Variants in SH3BP4 observed in about 807,000 individuals in gnomAD.
The protein encoded by SH3BP4 is SH3 domain binding protein 4, also known as SH3 domain-binding protein 4.
Under a neutral mutation model 65.5 loss-of-function variants are expected in SH3BP4, and 33 were observed. The ratio of observed to expected loss-of-function variants is 0.50; its 90% confidence interval spans 0.38 to 0.67. The LOEUF (loss-of-function observed/expected upper bound fraction) is 0.67, where lower values mean the gene tolerates loss of function less well. SH3BP4 is among the 30% of genes least tolerant of loss of function. SH3BP4 has a pLI of 0.00. For synonymous variants in SH3BP4, 552 were observed against 545.5 expected (o/e 1.01, Z -0.17); for missense variants, 1,134 against 1,261.4 (o/e 0.90, Z 1.53).
Position 234,977,767 on chromosome 2 carries a change from G to A in SH3BP4, c.-206-17536G>A, listed in dbSNP as rs553094251. Reference sequence around the variant, plus strand: ...AGTTAGTGCACAGAGTGAGCCCTGCGCTGGGAAAGACACGCACACGCATAT... The same window carrying A: ...AGTTAGTGCACAGAGTGAGCCCTGCACTGGGAAAGACACGCACACGCATAT... On this transcript the variant is annotated intron_variant, in intron 1 of 5. Transcript: ENST00000392011. The surrounding 1 kb of genome is among the most constrained non-coding windows in gnomAD (Gnocchi z 5.1). Among the ~76,000 whole-genome samples the A allele has an allele frequency of 3.3e-5, 5 of 151,902 alleles. No individual in the cohort carries two copies. Among genetic ancestry groups the A allele is most frequent in the East Asian group, 1.9e-4 (1 of 5,166 alleles).
chr2:234,984,432 C>T (rs990627362), intron 1 of SH3BP4, among the ~76,000 whole-genome samples: 1 of 151,888 alleles, frequency 6.6e-6, no homozygotes, highest in Non-Finnish European at 1.5e-5. Context: ...TGGTCTCAAA[C>T]TCCTGGGCTC....
chr2:234,969,344 C>A (rs1692920579), intron 1 of SH3BP4, among the ~76,000 whole-genome samples: 2 of 152,102 alleles, frequency 1.3e-5, no homozygotes, highest in African/African-American at 4.8e-5. Flanking sequence ...ATGGTCAAGT[C>A]CCCTCCCCTG....
intron 2 of SH3BP4, among the ~76,000 whole-genome samples, chr2:235,012,999 G>A (rs188523628): frequency 6.6e-6 from 1 of 152,346 alleles, no homozygotes; most frequent in African/African-American, 2.4e-5. Context: ...AATGCAGATG[G>A]TGACACAGCT....
chr2:234,980,071 G>C (rs1437147253), intron 1 of SH3BP4, among the ~76,000 whole-genome samples: 1 of 152,122 alleles, frequency 6.6e-6, no homozygotes, highest in Non-Finnish European at 1.5e-5. Flanking sequence ...TCGTTTTTTG[G>C]CTGAGCATTA....
At chr2:235,032,860 G>A (rs75385389) in intron 2 of SH3BP4, among the ~76,000 whole-genome samples, 2,544 of 152,278 alleles carry the variant, frequency 0.017, 75 homozygotes, top group African/African-American at 0.059. Flanking sequence ...TCCCCAAGGC[G>A]TAGTTCTCAG....
intron 1 of SH3BP4, among the ~76,000 whole-genome samples, chr2:234,988,913 C>T (rs963546396): frequency 6.6e-6 from 1 of 152,160 alleles, no homozygotes; most frequent in African/African-American, 2.4e-5. Flanking sequence ...GTAAGTGAAG[C>T]AGTTCTGTGT....
intron 1 of SH3BP4, among the ~76,000 whole-genome samples, chr2:234,961,780 CA>C (rs559198283): frequency 2.7e-5 from 4 of 149,570 alleles, no homozygotes; most frequent in African/African-American, 9.8e-5. Context: ...AGGTGTGGAC[CA>C]GGGGCTCGAT....
intron 1 of SH3BP4, among the ~76,000 whole-genome samples, chr2:234,988,202 G>A (rs1693630548): frequency 6.6e-6 from 1 of 152,020 alleles, no homozygotes. Context: ...TGGGACTATG[G>A]GCGCCCACCA....
At position 235,042,447 on chromosome 2, in the gene SH3BP4, C is replaced by T. The variant is rs1482337741; in HGVS notation, c.1678C>T (p.Arg560Ter). Residue 560 changes from arginine to a stop codon, truncating the protein, a stop_gained, in exon 4 of 6, where the codon CGA becomes TGA. Transcript: ENST00000392011. LOFTEE classifies it high-confidence loss of function. This position sits in a 1 kb window ranked among gnomAD's most constrained non-coding sequence, Gnocchi z 7.3. ...VKASEQAKVVRGFQLKLGKVS... is the reference protein window; with the variant it reads ...VKASEQAKVV The stretch of plus-strand genomic sequence containing the variant: ...AGCCAGCGAGCAGGCCAAAGTGGTG[C>T]GAGGATTCCAGCTGAAGCTGGGCAA... The T allele has an allele frequency of 3.1e-6, 5 of 1,614,018 alleles. No individual in the cohort carries two copies. Among genetic ancestry groups the T allele is most frequent in the East Asian group, 4.5e-5 (2 of 44,882 alleles).
At position 235,040,939 on chromosome 2, in the gene SH3BP4, C is replaced by G. The variant is rs772358905; in HGVS notation, c.170C>G (p.Ala57Gly). ...GACAACCCCACACCTTTCGGAAATGCAAAGGAAGTGATTGCGATCAAGGAC... is the reference window on the plus strand; with the variant it reads ...GACAACCCCACACCTTTCGGAAATGGAAAGGAAGTGATTGCGATCAAGGAC... ...LVDNPTPFGN[A>G]KEVIAIKDYC... Residue 57 changes from alanine to glycine, a missense_variant, in exon 4 of 6, where the codon GCA (alanine) becomes GGA (glycine). Coordinates refer to ENST00000392011, the MANE Select transcript of SH3BP4 (RefSeq NM_014521.3). 1.2e-6 allele frequency: 2 copies of G among 1,614,124 alleles called. No individual in the cohort carries two copies. The highest frequency in any genetic ancestry group is 1.1e-5 in the South Asian group (1 of 91,082).
intron 1 of SH3BP4, among the ~76,000 whole-genome samples, chr2:234,966,733 C>A (rs1345283393): frequency 1.3e-5 from 2 of 152,156 alleles, no homozygotes; most frequent in Non-Finnish European, 2.9e-5. Flanking sequence ...TTTTGACTCT[C>A]TAATATTCCT....
chr2:234,971,651 T>C (rs191188726), intron 1 of SH3BP4, among the ~76,000 whole-genome samples: 2 of 152,348 alleles, frequency 1.3e-5, no homozygotes, highest in East Asian at 3.9e-4. Context: ...TCACCAGCGT[T>C]TGTTATTTTC....
chr2:234,988,810 C>G (rs771649366), intron 1 of SH3BP4, among the ~76,000 whole-genome samples: 1 of 152,174 alleles, frequency 6.6e-6, no homozygotes, highest in Admixed American at 6.5e-5. Flanking sequence ...GCTTAGTATT[C>G]ATTCTAGGTT....
At position 235,036,736 on chromosome 2, in the gene SH3BP4, T is replaced by TAAAAAAAAAAAA. The variant is rs892360274; in HGVS notation, c.118+1622_118+1623insAAAAAAAAAAAA. Among the ~76,000 whole-genome samples the TAAAAAAAAAAAA allele has an allele frequency of 1.8e-4, 7 of 39,174 alleles. No individual in the cohort carries two copies. The East Asian group carries it at 0.022, about 123-fold the overall frequency. 25.7% of individuals were successfully genotyped at this position (39,174 alleles called of 152,430 possible). On this transcript the variant is annotated intron_variant, in intron 3 of 5. Coordinates refer to ENST00000392011, the MANE Select transcript of SH3BP4 (RefSeq NM_014521.3). The stretch of plus-strand genomic sequence containing the variant: ...CACCACTGCACTCTGAGACTCTATA[T>TAAAAAAAAAAAA]AAAAAATAATAATAATAATAATGAC...
Position 235,026,929 on chromosome 2 carries a change from A to G in SH3BP4, c.-132-7942A>G, listed in dbSNP as rs1185985148. ...GAGGCAGCCCGCCCGAGCCCCAGGC[A>G]GCATGTTCCTCCTGTGCCCTGGGTG... On this transcript the variant is annotated intron_variant, in intron 2 of 5. Transcript: ENST00000392011. The surrounding 1 kb of genome is among the most constrained non-coding windows in gnomAD (Gnocchi z 4.6). 6.6e-6 allele frequency among the ~76,000 whole-genome samples: 1 copy of G among 152,208 alleles called. No homozygotes were observed. The highest frequency in any genetic ancestry group is 1.5e-5 in the Non-Finnish European group (1 of 68,034).
At chr2:234,964,929 C>T (rs1010702899) in intron 1 of SH3BP4, among the ~76,000 whole-genome samples, 1 of 152,158 alleles carries the variant, frequency 6.6e-6, no homozygotes, top group East Asian at 1.9e-4. Context: ...CTGTGCACCA[C>T]ATCCTGTTCC....
chr2:235,043,272 C>T lies in SH3BP4; in HGVS notation c.2478+25C>T, dbSNP rs368988026. On this transcript the variant is annotated intron_variant, in intron 4 of 5. Transcript: ENST00000392011. ...GGTGAGTGCTCAGCAGGTGCCTGGG[C>T]GTTCAGGGGTGCTGCTCAGCAAAGC... The T allele has an allele frequency of 9.2e-5, 141 of 1,524,856 alleles. No individual in the cohort carries two copies. In the Middle Eastern group the frequency reaches 1.1e-3, roughly 12 times the overall value. The allele number at this position is 1,524,856 out of a possible 1,614,324, so 94.5% of individuals were successfully genotyped here.
At chr2:235,002,953 C>T (rs546007615) in intron 2 of SH3BP4, among the ~76,000 whole-genome samples, 4 of 152,336 alleles carry the variant, frequency 2.6e-5, no homozygotes, top group South Asian at 2.1e-4. Flanking sequence ...ATGCTGATTC[C>T]GTTCTGCCTT....
chr2:234,978,559 C>CT lies in SH3BP4; in HGVS notation c.-206-16742dup, dbSNP rs1463714728. 1 of 152,500 alleles carries CT rather than the reference C, an allele frequency of 6.6e-6. No individual in the cohort carries two copies. 9.4% of individuals were successfully genotyped at this position (152,500 alleles called of 1,614,324 possible). A position where few individuals can be genotyped will look rare whatever the true frequency, so the allele number is the denominator to read the frequency against. On this transcript the variant is annotated intron_variant, in intron 1 of 5. Transcript: ENST00000392011. This position sits in a 1 kb window ranked among gnomAD's most constrained non-coding sequence, Gnocchi z 4.1. The stretch of plus-strand genomic sequence containing the variant: ...CCTGCTGCAGGTGCCGCGTCTCTTT[C>CT]TTAAGCCTGTGTAGAAAGTTCTTTT...
Sources: allele counts gnomAD v4.1 joint callset (sites outside exome capture counted in the v4.1 genomes callset), GRCh38; gene constraint gnomAD v4.1.1; non-coding constraint Gnocchi (gnomAD v3.1); transcripts MANE v1.5; gene names NCBI Gene and HGNC (gene_info 2026-07-23, HGNC 2026-07-21).